The following MED15 variants were observed in gnomAD, a reference collection of about 807,000 sequenced individuals.
MED15 encodes the protein mediator of RNA polymerase II transcription subunit 15.
In MED15, 41 loss-of-function variants were observed where a neutral mutation model predicts 118.7. That is an observed-to-expected ratio of 0.35 (90% CI 0.27 to 0.45). MED15 has a LOEUF of 0.45. Ranked by LOEUF, MED15 falls within the 20% of genes least tolerant of loss-of-function variation. The pLI, the probability that MED15 is intolerant of heterozygous loss-of-function variation, is 1.00. For missense variants in MED15, 740 were observed against 1,025.5 expected (o/e 0.72, Z 3.80); for synonymous variants, 436 against 413.9 (o/e 1.05, Z -0.65).
chr22:20,583,435 AGATAGCCCAGCCATG>A, intron 13 of MED15, 42 bp downstream of exon 13: 11 of 1,606,714 alleles, frequency 6.8e-6, no homozygotes, highest in Non-Finnish European at 9.4e-6. Flanking sequence ...ACAAGGGCAC[AGATAGCCCAGCCATG>A]GATGGGCACT....
chr22:20,568,802 T>C (rs1313335453), intron 8 of MED15, among the ~76,000 whole-genome samples, 171 bp downstream of exon 8: 1 of 152,136 alleles, frequency 6.6e-6, no homozygotes, highest in Non-Finnish European at 1.5e-5. Context: ...GTCCTTGGGG[T>C]GGGCAGCTGT....
chr22:20,569,430 G>A (rs1339375586), intron 8 of MED15, among the ~76,000 whole-genome samples: 1 of 152,180 alleles, frequency 6.6e-6, no homozygotes, highest in African/African-American at 2.4e-5. Context: ...GTAAGACTGT[G>A]GCTGGGTCCC....
rs940426224 is a variant in MED15 at position 20,582,448 on chromosome 22, G to C, written c.1273-163G>C. The C allele has an allele frequency of 1.0e-4, 114 of 1,141,532 alleles. No homozygotes were observed. The East Asian group carries it at 2.8e-3, about 28-fold the overall frequency. The allele number at this position is 1,141,532 out of a possible 1,614,324, so 70.7% of individuals were successfully genotyped here. A position where few individuals can be genotyped will look rare whatever the true frequency, so the allele number is the denominator to read the frequency against. On this transcript the variant is annotated intron_variant, in intron 9 of 17. Coordinates refer to ENST00000263205, the MANE Select transcript of MED15 (RefSeq NM_001003891.3). ...GTCACCTCATGCTGTGTGCCAGGCT[G>C]GGGGAGTGTGCCTGTGTGTATGTCC...
chr22:20,581,557 T>A (rs572968991), intron 9 of MED15, among the ~76,000 whole-genome samples: 1 of 152,148 alleles, frequency 6.6e-6, no homozygotes. Context: ...TGCAGGGGGT[T>A]GACTAGGGTG....
chr22:20,508,611 C>T (rs1265531687), intron 1 of MED15, among the ~76,000 whole-genome samples: 1 of 152,048 alleles, frequency 6.6e-6, no homozygotes. Context: ...AAAGTACATT[C>T]TCAAGGGTGG....
Position 20,587,033 on chromosome 22 carries a change from A to G in MED15, c.*329A>G. On this transcript the variant is annotated 3_prime_UTR_variant, in exon 18 of 18. Coordinates refer to ENST00000263205, the MANE Select transcript of MED15 (RefSeq NM_001003891.3). ...GTCCATCTCAGCAGCGTGAGGGTGC[A>G]CTCAGGGTGTTGTTAGAGCGTCTCG... is the stretch of plus-strand genomic sequence containing the variant. The G allele has an allele frequency of 2.5e-6, 1 of 400,308 alleles. No homozygotes were observed. The highest frequency in any genetic ancestry group is 3.9e-5 in the South Asian group (1 of 25,796). The allele number at this position is 400,308 out of a possible 1,614,324, so 24.8% of individuals were successfully genotyped here. A position where few individuals can be genotyped will look rare whatever the true frequency, so the allele number is the denominator to read the frequency against.
chr22:20,571,235 T>A (rs980486566), intron 8 of MED15, among the ~76,000 whole-genome samples: 2 of 152,254 alleles, frequency 1.3e-5, no homozygotes, highest in African/African-American at 4.8e-5. Flanking sequence ...GGATGCCAGC[T>A]GTGTGTGCTC....
intron 8 of MED15, among the ~76,000 whole-genome samples, chr22:20,571,996 C>T (rs932770209): frequency 5.3e-5 from 8 of 152,162 alleles, no homozygotes; most frequent in African/African-American, 1.9e-4. Flanking sequence ...ATTAGAAAGC[C>T]CTGGTCGGCA....
chr22:20,585,966 GCTC>G lies in MED15; in HGVS notation c.2230+146_2230+148del, dbSNP rs1428528631. Reference sequence around the variant, plus strand: ...TCAGGCCCCTCCCTCCCCTCTTCTGGCTCCTCCTGCACAGACAGCAGCGGGTTT... The same window carrying G: ...TCAGGCCCCTCCCTCCCCTCTTCTGGCTCCTGCACAGACAGCAGCGGGTTT... On this transcript the variant is annotated intron_variant, in intron 17 of 17. Coordinates refer to ENST00000263205, the MANE Select transcript of MED15 (RefSeq NM_001003891.3). 7 of 756,662 alleles carry G rather than the reference GCTC, an allele frequency of 9.3e-6. No homozygotes were observed. In the African/African-American group the frequency reaches 1.2e-4, roughly 13 times the overall value. The allele number at this position is 756,662 out of a possible 1,614,324, so 46.9% of individuals were successfully genotyped here. A position where few individuals can be genotyped will look rare whatever the true frequency, so the allele number is the denominator to read the frequency against.
At chr22:20,548,294 T>A (rs547840020) in intron 2 of MED15, among the ~76,000 whole-genome samples, 1 of 152,230 alleles carries the variant, frequency 6.6e-6, no homozygotes, top group Admixed American at 6.5e-5. Flanking sequence ...CCCAAGTAGC[T>A]GGGATTACCG....
intron 5 of MED15, among the ~76,000 whole-genome samples, chr22:20,560,505 T>C (rs868444552): frequency 3.3e-5 from 5 of 152,324 alleles, no homozygotes; most frequent in Middle Eastern, 3.4e-3. Flanking sequence ...CCTTGTGATC[T>C]GCCCTCCTTG....
chr22:20,583,121 A>T lies in MED15; in HGVS notation c.1546A>T (p.Ser516Cys). The T allele has an allele frequency of 6.3e-7, 1 of 1,595,340 alleles. No homozygotes were observed. Among genetic ancestry groups the T allele is most frequent in the South Asian group, 1.1e-5 (1 of 89,872 alleles). ...CCGCCTGTGTCCTGCAGTGAACCCC[A>T]GCTCTGTCATGAGCCCAGCTGGCTC... is the stretch of plus-strand genomic sequence containing the variant. ...PGPLNTPVNP[S>C]SVMSPAGSSQ... The change falls in exon 12 of 18, where the codon AGC becomes TGC. Residue 516 changes from serine to cysteine, a missense_variant. Transcript: ENST00000263205.
At chr22:20,583,615 G>A in intron 13 of MED15, 1 of 565,528 alleles carries the variant, frequency 1.8e-6, no homozygotes, top group Non-Finnish European at 3.1e-6. Context: ...TGCTGCTGTG[G>A]CCCTCATGCT....
chr22:20,582,192 G>C, intron 9 of MED15: 1 of 250,630 alleles, frequency 4.0e-6, no homozygotes, highest in Non-Finnish European at 7.7e-6. Flanking sequence ...CATGTGGGAA[G>C]ACGGTCCCAC....
At chr22:20,558,279 T>C (rs2056097197) in intron 5 of MED15, among the ~76,000 whole-genome samples, 1 of 152,110 alleles carries the variant, frequency 6.6e-6, no homozygotes, top group Non-Finnish European at 1.5e-5. Flanking sequence ...CAAAGACTAC[T>C]GCATGATTAA....
intron 1 of MED15, among the ~76,000 whole-genome samples, chr22:20,528,594 A>G (rs1318239364): frequency 6.6e-6 from 1 of 152,144 alleles, no homozygotes; most frequent in East Asian, 1.9e-4. Flanking sequence ...ACAGACCTGT[A>G]CTGGTCTGTG....
intron 1 of MED15, among the ~76,000 whole-genome samples, chr22:20,529,977 G>A (rs550013583): frequency 2.6e-5 from 4 of 152,274 alleles, no homozygotes; most frequent in East Asian, 1.9e-4. Context: ...ACCTACCTCC[G>A]CCTCCCAGAG....
chr22:20,545,687 G>T (rs1159405188), intron 2 of MED15, among the ~76,000 whole-genome samples: 2 of 152,034 alleles, frequency 1.3e-5, no homozygotes, highest in African/African-American at 4.8e-5. Flanking sequence ...GGGCCGTGTG[G>T]TTTCCTTGGG....
intron 5 of MED15, among the ~76,000 whole-genome samples, chr22:20,562,792 CTT>C (rs2056294609): frequency 6.6e-6 from 1 of 152,096 alleles, no homozygotes; most frequent in Non-Finnish European, 1.5e-5. Context: ...AATCTCAACA[CTT>C]TGTGAGGTCG....
Sources: allele counts gnomAD v4.1 joint callset (sites outside exome capture counted in the v4.1 genomes callset), GRCh38; gene constraint gnomAD v4.1.1; transcripts MANE v1.5; gene names NCBI Gene and HGNC (gene_info 2026-07-23, HGNC 2026-07-21).